The following TENM2 variants were observed in gnomAD, a reference collection of about 807,000 sequenced individuals.
TENM2 encodes teneurin-2.
Under a neutral mutation model 245.2 loss-of-function variants are expected in TENM2, and 52 were observed. That is an observed-to-expected ratio of 0.21 (90% CI 0.17 to 0.27). The LOEUF (loss-of-function observed/expected upper bound fraction) is 0.27, where lower values mean the gene tolerates loss of function less well. Ranked by LOEUF, TENM2 falls within the 10% of genes least tolerant of loss-of-function variation. The pLI is 1.00. For missense variants in TENM2, 3,046 were observed against 3,666.8 expected (o/e 0.83, Z 4.37); for synonymous variants, 1,363 against 1,438.9 (o/e 0.95, Z 1.19).
chr5:167,660,415 A>C (rs1755127805), intron 2 of TENM2: 2 of 136,680 alleles, frequency 1.5e-5, no homozygotes, highest in African/African-American at 5.4e-5. Flanking sequence ...CAGTGAGCCG[A>C]GATTGTGCCA....
chr5:168,255,528 A>T (rs1000754373), intron 27 of TENM2, among the ~76,000 whole-genome samples: 1 of 151,748 alleles, frequency 6.6e-6, no homozygotes, highest in Non-Finnish European at 1.5e-5. Flanking sequence ...CTGGTCTCGA[A>T]CTCCTGACCT....
At chr5:167,574,919 G>A (rs976025992) in intron 2 of TENM2, among the ~76,000 whole-genome samples, 3 of 152,102 alleles carry the variant, frequency 2.0e-5, no homozygotes, top group African/African-American at 7.2e-5. Context: ...GCTTTGGGGT[G>A]AAGCTTAAAA....
At chr5:167,422,731 T>A (rs1454706161) in intron 2 of TENM2, among the ~76,000 whole-genome samples, 1 of 152,146 alleles carries the variant, frequency 6.6e-6, no homozygotes, top group East Asian at 1.9e-4. Context: ...TAACGTAAGA[T>A]ACCTCCATGA....
intron 2 of TENM2, among the ~76,000 whole-genome samples, chr5:167,600,358 G>T (rs1470872275): frequency 6.6e-6 from 1 of 152,072 alleles, no homozygotes; most frequent in South Asian, 2.1e-4. Context: ...TTAGTGTGAT[G>T]TACTTGCTCT....
intron 2 of TENM2, among the ~76,000 whole-genome samples, chr5:167,514,964 T>C (rs1770221540): frequency 6.6e-6 from 1 of 151,730 alleles, no homozygotes; most frequent in African/African-American, 2.4e-5. Context: ...TGAGCCGAGA[T>C]CAAGCCATTG....
chr5:167,974,484 T>C (rs113277615), intron 4 of TENM2, among the ~76,000 whole-genome samples: 1 of 147,246 alleles, frequency 6.8e-6, no homozygotes. Context: ...AGGAAAGAGA[T>C]ACATACTTAA....
chr5:168,152,338 T>C (rs1013950427), intron 12 of TENM2, among the ~76,000 whole-genome samples: 1 of 152,194 alleles, frequency 6.6e-6, no homozygotes, highest in Non-Finnish European at 1.5e-5. Context: ...AGTGATTTCC[T>C]TACATTTCCT....
At chr5:167,491,170 A>G (rs1217596973) in intron 2 of TENM2, among the ~76,000 whole-genome samples, 3 of 152,118 alleles carry the variant, frequency 2.0e-5, no homozygotes, top group Non-Finnish European at 4.4e-5. Context: ...TACTGGAGTA[A>G]GTTAGGCACA....
the TENM2 span, among the ~76,000 whole-genome samples, chr5:167,042,432 C>T: frequency 4.8e-4 from 73 of 152,198 alleles, no homozygotes; most frequent in Admixed American, 1.4e-3. Context: ...ATTTAATAGA[C>T]GTGACTGAAC....
chr5:167,799,269 G>A (rs1765534225), intron 2 of TENM2, among the ~76,000 whole-genome samples: 1 of 152,220 alleles, frequency 6.6e-6, no homozygotes, highest in Non-Finnish European at 1.5e-5. Flanking sequence ...GAACAATAAT[G>A]TGCATTAAAC....
At chr5:167,007,054 G>C in the TENM2 span, among the ~76,000 whole-genome samples, 1 of 152,128 alleles carries the variant, frequency 6.6e-6, no homozygotes, top group Non-Finnish European at 1.5e-5. The surrounding 1 kb of genome is among the most constrained non-coding windows in gnomAD (Gnocchi z 4.2). Flanking sequence ...TGCCTCTGTA[G>C]TACCTAATTC....
intron 2 of TENM2, among the ~76,000 whole-genome samples, chr5:167,705,321 A>G (rs1758429801): frequency 6.6e-6 from 1 of 152,186 alleles, no homozygotes. Flanking sequence ...ATTTAAGGAA[A>G]CAAAATAATT....
the TENM2 span, among the ~76,000 whole-genome samples, chr5:167,269,556 A>G: frequency 8.5e-6 from 1 of 117,732 alleles, no homozygotes; most frequent in African/African-American, 2.8e-5. Flanking sequence ...CACACACACA[A>G]TCAGATTCAT....
At chr5:167,974,916 T>C (rs1350981624) in intron 4 of TENM2, among the ~76,000 whole-genome samples, 1 of 152,184 alleles carries the variant, frequency 6.6e-6, no homozygotes, top group Non-Finnish European at 1.5e-5. Context: ...CATTGCTTTG[T>C]TTTTCACATA....
At chr5:167,619,257 A>G (rs1030981185) in intron 2 of TENM2, among the ~76,000 whole-genome samples, 16 of 152,196 alleles carry the variant, frequency 1.1e-4, no homozygotes, top group African/African-American at 3.1e-4. Context: ...AAAGACATGT[A>G]TAACTGAAAG....
At chr5:167,286,624 C>T (rs1754285151) in intron 1 of TENM2, among the ~76,000 whole-genome samples, 1 of 152,196 alleles carries the variant, frequency 6.6e-6, no homozygotes, top group Non-Finnish European at 1.5e-5. Context: ...CAAAGCCTTT[C>T]ATTTTCTGCT....
chr5:168,208,195 G>A (rs1258261494), intron 19 of TENM2, among the ~76,000 whole-genome samples: 1 of 152,182 alleles, frequency 6.6e-6, no homozygotes, highest in African/African-American at 2.4e-5. Context: ...GGATGGGACG[G>A]TATCTCTCTC....
intron 10 of TENM2, among the ~76,000 whole-genome samples, chr5:168,120,602 G>C (rs907780224): frequency 6.6e-6 from 1 of 152,150 alleles, no homozygotes; most frequent in African/African-American, 2.4e-5. Flanking sequence ...TAAATGTTCA[G>C]AGTGAATTAA....
At chr5:167,325,007 T>C (rs1757000626) in intron 1 of TENM2, among the ~76,000 whole-genome samples, 1 of 152,150 alleles carries the variant, frequency 6.6e-6, no homozygotes, top group Non-Finnish European at 1.5e-5. Flanking sequence ...TGGGTATTAG[T>C]TATGGTGATG....
Sources: gnomAD v4.1 joint callset for allele counts (sites outside exome capture counted in the v4.1 genomes callset) on GRCh38, gnomAD v4.1.1 for gene constraint, Gnocchi (gnomAD v3.1) non-coding constraint, MANE v1.5 for transcripts, NCBI Gene and HGNC (gene_info 2026-07-23, HGNC 2026-07-21) for gene names.